Variants in FCN3 observed in about 807,000 individuals in gnomAD.
The protein encoded by FCN3 is ficolin 3.
FCN3 carries 28 observed loss-of-function variants against 31.5 expected under a neutral mutation model. That is an observed-to-expected ratio of 0.89 (90% CI 0.66 to 1.22). The LOEUF (loss-of-function observed/expected upper bound fraction) is 1.22. Ranked by LOEUF, FCN3 falls within the 50% of genes most tolerant of loss-of-function variation. The pLI is 0.00. For synonymous variants in FCN3, 124 were observed against 147.4 expected (o/e 0.84, Z 1.15); for missense variants, 351 against 386.8 (o/e 0.91, Z 0.78).
chr1:27,373,045 C>A, intron 5 of FCN3, 91 bp downstream of exon 5: 1 of 1,459,214 alleles, frequency 6.9e-7, no homozygotes, highest in Non-Finnish European at 9.3e-7. Context: ...CTAGGAAATG[C>A]CTTGCTCTGG....
chr1:27,373,399 G>T, intron 4 of FCN3, 89 bp downstream of exon 4: 1 of 1,596,322 alleles, frequency 6.3e-7, no homozygotes, highest in Non-Finnish European at 8.6e-7. Flanking sequence ...TGAGGAGGCT[G>T]TGGGGAGGAT....
intron 7 of FCN3, among the ~76,000 whole-genome samples, chr1:27,370,006 C>T (rs532662348): frequency 2.7e-4 from 36 of 135,624 alleles, no homozygotes; most frequent in South Asian, 1.5e-3. Context: ...GCGCTCCCCC[C>T]GCCTTTTTTT....
chr1:27,373,822 C>T, intron 3 of FCN3, 143 bp downstream of exon 3: 1 of 781,956 alleles, frequency 1.3e-6, no homozygotes. Context: ...CCAGGCCCTT[C>T]TCCTAATCCT....
intron 5 of FCN3, 96 bp from the exon 6 acceptor site, chr1:27,371,068 C>G (rs1215792763): frequency 1.5e-5 from 19 of 1,253,760 alleles, no homozygotes; most frequent in Non-Finnish European, 1.8e-5. Flanking sequence ...CCCACTCTCT[C>G]TTTGGATTGG....
At chr1:27,374,145 T>C (rs1305985689) in intron 2 of FCN3, 136 bp from the exon 3 acceptor site, 2 of 825,708 alleles carry the variant, frequency 2.4e-6, no homozygotes, top group Non-Finnish European at 3.9e-6. Context: ...AAATATCTTA[T>C]CCTCTCTGAA....
intron 5 of FCN3, among the ~76,000 whole-genome samples, chr1:27,372,524 A>T (rs1428742704): frequency 6.6e-6 from 1 of 152,212 alleles, no homozygotes; most frequent in Admixed American, 6.5e-5. Context: ...CTGGGATTAT[A>T]GGCGTGAGCC....
In FCN3 at chr1:27,370,669, A is replaced by G. The variant is rs148415449; in HGVS notation, c.585T>C (p.Tyr195=). The change falls in exon 7 of 8, where the codon TAT becomes TAC. Residue 195 remains tyrosine (Y), a synonymous_variant. Transcript: ENST00000270879. ...DFNGNRTFAH[Y]ATFRLLGEVD... ...CCTCACCGAGGAGGCGGAAGGTCGC[A>G]TAGTGGGCGAAAGTACGGTTACCAT... 1.2e-6 allele frequency: 2 copies of G among 1,614,122 alleles called. No individual in the cohort carries two copies. Among genetic ancestry groups the G allele is most frequent in the African/African-American group, 1.3e-5 (1 of 74,944 alleles).
Position 27,369,196 on chromosome 1 carries a change from G to A in FCN3, c.*40C>T, listed in dbSNP as rs2016091751. On this transcript the variant is annotated 3_prime_UTR_variant, in exon 8 of 8. Transcript: ENST00000270879. Reference sequence around the variant, plus strand: ...AGGCAAGGTGGCTGACGATCCGGAAGCTGTACAGGAGAGATAAGGGCACTG... The same window carrying A: ...AGGCAAGGTGGCTGACGATCCGGAAACTGTACAGGAGAGATAAGGGCACTG... 2 of 1,599,782 alleles carry A rather than the reference G, an allele frequency of 1.3e-6. No individual in the cohort carries two copies. The highest frequency in any genetic ancestry group is 1.7e-6 in the Non-Finnish European group (2 of 1,168,662).
At chr1:27,373,458 AGTTCCTG>A (rs992564825) in intron 4 of FCN3, 23 bp downstream of exon 4, 1 of 1,613,690 alleles carries the variant, frequency 6.2e-7, no homozygotes, top group African/African-American at 1.3e-5. Context: ...TGTGATCCCA[AGTTCCTG>A]GCTCCTGCAA....
At chr1:27,370,454 C>G in intron 7 of FCN3, 142 bp downstream of exon 7, 1 of 720,758 alleles carries the variant, frequency 1.4e-6, no homozygotes, top group Non-Finnish European at 2.3e-6. Context: ...GTTGCACCAT[C>G]CTGTTTCATG....
chr1:27,369,299 A>G lies in FCN3; in HGVS notation c.837T>C (p.Ile279=), dbSNP rs1378146451. 3 of 1,614,216 alleles carry G rather than the reference A, an allele frequency of 1.9e-6. No homozygotes were observed. Among genetic ancestry groups the G allele is most frequent in the Admixed American group, 3.3e-5 (2 of 60,032 alleles). The stretch of plus-strand genomic sequence containing the variant: ...CCACACCACGGCCTGAGGCCCAGTC[A>G]ATGCCATATTTGTGGGCGGCAGCCT... ...VSEAAAHKYG[I]DWASGRGVGH... Residue 279 remains isoleucine (I), a synonymous_variant, in exon 8 of 8, where the codon ATT becomes ATC. Transcript: ENST00000270879.
In FCN3 at chr1:27,373,984, C is replaced by T; in HGVS notation, c.213G>A (p.Met71Ile). 2 of 1,613,786 alleles carry T rather than the reference C, an allele frequency of 1.2e-6. No individual in the cohort carries two copies. The highest frequency in any genetic ancestry group is 1.7e-6 in the Non-Finnish European group (2 of 1,179,956). The part of the protein sequence containing the change: ...PQGPPGPPGK[M>I]GPKGEPGDPV... ...ACTCACCTGGCTCACCCTTGGGGCC[C>T]ATCTTGCCTGGTGGTCCAGGTGGCC... Residue 71 changes from methionine (M) to isoleucine (I), a missense_variant, in exon 3 of 8, where the codon ATG (methionine) becomes ATA (isoleucine). Transcript: ENST00000270879.
At chr1:27,374,248 G>T in intron 2 of FCN3, 108 bp downstream of exon 2, 1 of 820,096 alleles carries the variant, frequency 1.2e-6, no homozygotes, top group Non-Finnish European at 2.0e-6. Context: ...AGCTGGCACA[G>T]AGTAGGTTCC....
At chr1:27,374,040 TC>T (rs773360166) in intron 2 of FCN3, 31 bp from the exon 3 acceptor site, 73 of 1,602,268 alleles carry the variant, frequency 4.6e-5, no homozygotes, top group Admixed American at 2.7e-4. Context: ...ATTTCCTGAG[TC>T]CCACCCCATG....
rs776483001 is a variant in FCN3 at position 27,374,745 on chromosome 1, TC to T, written c.73del (p.Glu25AsnfsTer57). On this transcript the variant is annotated frameshift_variant, in exon 1 of 8. Coordinates refer to ENST00000270879, the MANE Select transcript of FCN3 (RefSeq NM_003665.4). LOFTEE classifies it high-confidence loss of function. Reference sequence around the variant, plus strand: ...GTGCCCACCTGGGCAGCTGGGGTGTTCCTGGGTCTTCAGGCAGGCAGGCCCC... The same window carrying T: ...GTGCCCACCTGGGCAGCTGGGGTGTTCTGGGTCTTCAGGCAGGCAGGCCCC... The part of the protein sequence containing the change: ...LGGPACLKTQ[E>X]HPSCPGPREL... 7.2e-7 allele frequency: 1 copy of T among 1,396,114 alleles called. No individual in the cohort carries two copies. Among genetic ancestry groups the T allele is most frequent in the South Asian group, 2.0e-5 (1 of 50,872 alleles). 86.5% of individuals were successfully genotyped at this position (1,396,114 alleles called of 1,614,324 possible).
At chr1:27,374,273 T>C in intron 2 of FCN3, 83 bp downstream of exon 2, 1 of 982,228 alleles carries the variant, frequency 1.0e-6, no homozygotes, top group Non-Finnish European at 1.6e-6. Flanking sequence ...TCCTTTGTCG[T>C]GGCCCCTCAG....
chr1:27,373,358 T>C, intron 4 of FCN3, 95 bp from the exon 5 acceptor site: 1 of 1,595,300 alleles, frequency 6.3e-7, no homozygotes, highest in Non-Finnish European at 8.6e-7. Context: ...AGGGACCCTC[T>C]TGGCTCCTTC....
At chr1:27,374,135 A>C (rs2016204010) in intron 2 of FCN3, 126 bp from the exon 3 acceptor site, 4 of 881,332 alleles carry the variant, frequency 4.5e-6, no homozygotes, top group Non-Finnish European at 7.2e-6. Flanking sequence ...GATTGCGGGC[A>C]AATATCTTAT....
rs56088921 is a variant in FCN3, at chr1:27,374,768, C to T, written c.51G>A (p.Gly17=). The T allele has an allele frequency of 2.9e-6, 4 of 1,388,190 alleles. No homozygotes were observed. The South Asian group carries it at 6.1e-5, about 21-fold the overall frequency. The allele number at this position is 1,388,190 out of a possible 1,614,324, so 86.0% of individuals were successfully genotyped here. Residue 17 remains glycine, a synonymous_variant, in exon 1 of 8, where the codon GGG becomes GGA. Transcript: ENST00000270879. The stretch of plus-strand genomic sequence containing the variant: ...GTTCCTGGGTCTTCAGGCAGGCAGG[C>T]CCCCCAAGCAGGAGAAGCCACAGGG... ...LPSLWLLLLG[G]PACLKTQEHP...
Sources: allele counts gnomAD v4.1 joint callset (sites outside exome capture counted in the v4.1 genomes callset), GRCh38; gene constraint gnomAD v4.1.1; transcripts MANE v1.5; gene names NCBI Gene and HGNC (gene_info 2026-07-23, HGNC 2026-07-21).